NEK3: variants seen among roughly 807,000 people sequenced by gnomAD.
NEK3 encodes the protein NIMA related kinase 3, also known as serine/threonine-protein kinase Nek3.
A neutral mutation model predicts 66.0 loss-of-function variants in NEK3; 54 were observed. The observed-to-expected ratio is 0.82, with a 90% CI of 0.66 to 1.03. The LOEUF (loss-of-function observed/expected upper bound fraction) is 1.03, where lower values mean the gene tolerates loss of function less well. Ranked by LOEUF, NEK3 falls within the 50% of genes least tolerant of loss-of-function variation. The probability of loss-of-function intolerance (pLI) is 0.00; values close to 1 mark genes in which losing one functional copy is unlikely to be tolerated. For missense variants in NEK3, 593 were observed against 603.0 expected (o/e 0.98, Z 0.17); for synonymous variants, 200 against 206.2 (o/e 0.97, Z 0.26).
At chr13:52,135,052 G>C (rs1238240195) in intron 14 of NEK3, among the ~76,000 whole-genome samples, 1 of 151,986 alleles carries the variant, frequency 6.6e-6, no homozygotes, top group Non-Finnish European at 1.5e-5. Flanking sequence ...ATCTATCTTA[G>C]ATCTTAACCT....
chr13:52,133,707 C>T lies in NEK3; in HGVS notation c.1418G>A (p.Gly473Glu), dbSNP rs1371249325. Residue 473 changes from glycine (G) to glutamate (E), a missense_variant, in exon 15 of 16, where the codon GGG becomes GAG. Transcript: ENST00000610828. ...AACGTACGTGTCCTCCTCATCTAGC[C>T]CAGGCTCAAGTCGCTCTGGATCCAA... Reference protein sequence around the residue: ...VILDPERLEPGLDEEDTDFEE... With the variant: ...VILDPERLEPELDEEDTDFEE... 3 of 1,556,742 alleles carry T rather than the reference C, an allele frequency of 1.9e-6. No homozygotes were observed. Among genetic ancestry groups the T allele is most frequent in the African/African-American group, 1.4e-5 (1 of 73,468 alleles).
At chr13:52,147,540 T>C (rs757191059) in intron 8 of NEK3, among the ~76,000 whole-genome samples, 6 of 152,182 alleles carry the variant, frequency 3.9e-5, no homozygotes, top group Admixed American at 6.5e-5. Flanking sequence ...GTTCTATAAT[T>C]CCAGTTGTAT....
chr13:52,135,364 G>A (rs145307684), intron 14 of NEK3, among the ~76,000 whole-genome samples: 1 of 152,096 alleles, frequency 6.6e-6, no homozygotes, highest in Non-Finnish European at 1.5e-5. Context: ...GTAGTAGCAG[G>A]ATTATGAAAA....
intron 14 of NEK3, among the ~76,000 whole-genome samples, chr13:52,135,160 T>G (rs1956192421): frequency 1.3e-5 from 2 of 152,072 alleles, no homozygotes; most frequent in African/African-American, 4.8e-5. Flanking sequence ...AAGGAGAGTA[T>G]TATAAAAAAA....
chr13:52,150,115 C>T (rs1377557306), intron 7 of NEK3, among the ~76,000 whole-genome samples: 5 of 152,142 alleles, frequency 3.3e-5, no homozygotes, highest in African/African-American at 1.2e-4. Flanking sequence ...CTTAAAATAA[C>T]CTATTTAGTA....
At position 52,144,802 on chromosome 13, in the gene NEK3, C is replaced by A; in HGVS notation, c.693G>T (p.Gln231His). 1 of 1,613,564 alleles carries A rather than the reference C, an allele frequency of 6.2e-7. No homozygotes were observed. The highest frequency in any genetic ancestry group is 8.5e-7 in the Non-Finnish European group (1 of 1,179,718). ...TTTTAAACATCTGCTTGACTAGGAA[C>A]TGAAGTTCATAGGAGTAATGAGACG... is the stretch of plus-strand genomic sequence containing the variant. ...PLPSHYSYEL[Q>H]FLVKQMFKRN... The change falls in exon 9 of 16, where the codon CAG becomes CAT. Residue 231 changes from glutamine (Q) to histidine (H), a missense_variant. Transcript: ENST00000610828.
intron 11 of NEK3, among the ~76,000 whole-genome samples, chr13:52,137,686 G>A (rs1209151444): frequency 6.6e-6 from 1 of 152,180 alleles, no homozygotes; most frequent in Non-Finnish European, 1.5e-5. Flanking sequence ...GAGTAGTGGT[G>A]AGGGGCAGCT....
intron 11 of NEK3, among the ~76,000 whole-genome samples, chr13:52,137,715 G>A (rs1214437613): frequency 2.6e-5 from 4 of 152,174 alleles, no homozygotes; most frequent in African/African-American, 7.2e-5. Context: ...CCCCCCAGGG[G>A]ATTCCAGTCT....
At chr13:52,144,922 A>G in intron 8 of NEK3, 31 bp from the exon 9 acceptor site, 1 of 1,445,864 alleles carries the variant, frequency 6.9e-7, no homozygotes, top group Non-Finnish European at 9.6e-7. Context: ...TTACAAGCAG[A>G]TACAGGGGAA....
At chr13:52,141,099 A>C in intron 10 of NEK3, 30 bp from the exon 11 acceptor site, 2 of 1,557,558 alleles carry the variant, frequency 1.3e-6, no homozygotes, top group South Asian at 1.2e-5. Flanking sequence ...AGGTAGAAAG[A>C]TAAAACACAT....
chr13:52,158,137 A>G (rs751130140), intron 1 of NEK3, among the ~76,000 whole-genome samples: 5 of 152,306 alleles, frequency 3.3e-5, no homozygotes, highest in Non-Finnish European at 7.4e-5. Flanking sequence ...TCGGCCTCCC[A>G]AAGTGCTGGG....
At chr13:52,137,161 CAATT>C (rs1299983475) in intron 11 of NEK3, among the ~76,000 whole-genome samples, 1 of 151,778 alleles carries the variant, frequency 6.6e-6, no homozygotes, top group Non-Finnish European at 1.5e-5. Flanking sequence ...CCATTAATAT[CAATT>C]ATTATAAATA....
intron 12 of NEK3, 147 bp from the exon 13 acceptor site, chr13:52,136,406 C>A: frequency 3.4e-6 from 3 of 875,018 alleles, no homozygotes; most frequent in South Asian, 2.4e-5. Flanking sequence ...TCTTTCTAAT[C>A]TAAGTAGCAA....
rs753425729 is a variant in NEK3 at position 52,154,177 on chromosome 13, G to C, written c.118-4C>G. Reference sequence around the variant, plus strand: ...AATTCTGTGTATTAGAGAAAGACTAGAAAAACATTTTAAATAAGCATAAAC... The same window carrying C: ...AATTCTGTGTATTAGAGAAAGACTACAAAAACATTTTAAATAAGCATAAAC... On this transcript the variant is annotated splice_polypyrimidine_tract_variant and splice_region_variant and intron_variant, in intron 2 of 15. Coordinates refer to ENST00000610828, the MANE Select transcript of NEK3 (RefSeq NM_002498.3). 6.4e-7 allele frequency: 1 copy of C among 1,565,062 alleles called. No individual in the cohort carries two copies. Among genetic ancestry groups the C allele is most frequent in the Non-Finnish European group, 8.7e-7 (1 of 1,147,526 alleles).
At chr13:52,135,580 T>C (rs1956196935) in intron 14 of NEK3, 149 bp downstream of exon 14, 1 of 568,614 alleles carries the variant, frequency 1.8e-6, no homozygotes, top group South Asian at 4.1e-5. Flanking sequence ...GGATGGAAAC[T>C]GGTGATGGCT....
intron 5 of NEK3, among the ~76,000 whole-genome samples, chr13:52,152,325 A>G (rs1265754779): frequency 1.3e-5 from 2 of 152,204 alleles, no homozygotes; most frequent in African/African-American, 4.8e-5. Flanking sequence ...ACAAAGAAAT[A>G]ATAAGTACGT....
chr13:52,136,070 G>GA (rs1239155618), intron 13 of NEK3, 46 bp downstream of exon 13: 16 of 1,606,224 alleles, frequency 1.0e-5, no homozygotes, highest in Non-Finnish European at 1.3e-5. Flanking sequence ...GTAACTATTA[G>GA]AAAAAGTTCT....
At chr13:52,150,846 A>G (rs1956338921) in intron 7 of NEK3, among the ~76,000 whole-genome samples, 1 of 152,196 alleles carries the variant, frequency 6.6e-6, no homozygotes, top group African/African-American at 2.4e-5. Flanking sequence ...AGTGGGAGCA[A>G]CAGTTTGGGA....
intron 1 of NEK3, among the ~76,000 whole-genome samples, chr13:52,157,832 G>T (rs1274600865): frequency 6.6e-6 from 1 of 152,232 alleles, no homozygotes; most frequent in Non-Finnish European, 1.5e-5. Flanking sequence ...TTCATTGCAG[G>T]AAAAACACTG....
Sources: gnomAD v4.1 joint callset for allele counts (sites outside exome capture counted in the v4.1 genomes callset) on GRCh38, gnomAD v4.1.1 for gene constraint, MANE v1.5 for transcripts, NCBI Gene and HGNC (gene_info 2026-07-23, HGNC 2026-07-21) for gene names.